The following PDE8B variants were observed in gnomAD, a reference collection of about 807,000 sequenced individuals.
The protein encoded by PDE8B is phosphodiesterase 8B.
Under a neutral mutation model 101.3 loss-of-function variants are expected in PDE8B, and 26 were observed. That is an observed-to-expected ratio of 0.26 (90% CI 0.19 to 0.36). The LOEUF (loss-of-function observed/expected upper bound fraction) is 0.36. Among genes scored for constraint, PDE8B ranks in the 10% least tolerant of loss-of-function variants. The pLI is 1.00. For synonymous variants in PDE8B, 424 were observed against 429.3 expected (o/e 0.99, Z 0.15); for missense variants, 810 against 1,163.1 (o/e 0.70, Z 4.42).
At chr5:77,316,616 A>T (rs1463776206) in intron 2 of PDE8B, among the ~76,000 whole-genome samples, 1 of 152,168 alleles carries the variant, frequency 6.6e-6, no homozygotes, top group Non-Finnish European at 1.5e-5. Context: ...CTCAAACATG[A>T]TACAGTCCTT....
chr5:77,329,322 A>T (rs1776665433), intron 4 of PDE8B, among the ~76,000 whole-genome samples: 1 of 152,220 alleles, frequency 6.6e-6, no homozygotes, highest in African/African-American at 2.4e-5. Context: ...TATGCCAAAA[A>T]TGAATGGAAA....
Position 77,230,634 on chromosome 5 carries a change from T to G in PDE8B, c.339+19370T>G, listed in dbSNP as rs1300360633. Among the ~76,000 whole-genome samples the G allele has an allele frequency of 1.1e-4, 17 of 152,180 alleles. No homozygotes were observed. In the East Asian group the frequency reaches 3.1e-3, roughly 28 times the overall value. On this transcript the variant is annotated intron_variant, in intron 1 of 21. Transcript: ENST00000264917. ...GGCGCCCACCATCAGGCCTCACTGA[T>G]TTTTGTATTTTTTGTATTTTGGCCA...
intron 6 of PDE8B, among the ~76,000 whole-genome samples, chr5:77,339,063 A>G (rs1778704508): frequency 6.6e-6 from 1 of 152,232 alleles, no homozygotes; most frequent in Non-Finnish European, 1.5e-5. Flanking sequence ...TCCCCAGCCA[A>G]CACAATAGCA....
intron 1 of PDE8B, among the ~76,000 whole-genome samples, chr5:77,254,564 G>A (rs1758720822): frequency 6.6e-6 from 1 of 152,038 alleles, no homozygotes; most frequent in African/African-American, 2.4e-5. Flanking sequence ...TCACAAAGGG[G>A]CTGATCTTTC....
chr5:77,192,217 T>C, the PDE8B span, among the ~76,000 whole-genome samples: 1 of 152,208 alleles, frequency 6.6e-6, no homozygotes, highest in Non-Finnish European at 1.5e-5. Flanking sequence ...GTGTACAGTT[T>C]GATGAGTTTT....
chr5:77,279,644 A>AT (rs1764574076), intron 1 of PDE8B, among the ~76,000 whole-genome samples: 2 of 152,296 alleles, frequency 1.3e-5, no homozygotes, highest in South Asian at 4.1e-4. Flanking sequence ...TAGTATCCAC[A>AT]TTTTACAAAT....
intron 1 of PDE8B, among the ~76,000 whole-genome samples, chr5:77,252,737 C>T (rs1758322984): frequency 1.3e-5 from 2 of 152,154 alleles, no homozygotes; most frequent in Admixed American, 1.3e-4. Flanking sequence ...TATCATTCCT[C>T]CTGGCAGAGG....
the PDE8B span, among the ~76,000 whole-genome samples, chr5:77,191,745 G>A: frequency 1.3e-5 from 2 of 152,126 alleles, no homozygotes; most frequent in East Asian, 3.9e-4. Flanking sequence ...TCGAAGGTGG[G>A]GATTGTTTCG....
intron 17 of PDE8B, among the ~76,000 whole-genome samples, chr5:77,415,816 A>G (rs970149587): frequency 1.3e-5 from 2 of 152,242 alleles, no homozygotes; most frequent in Middle Eastern, 3.2e-3. Context: ...AAGCCAGGAT[A>G]ACAAGCATTC....
intron 10 of PDE8B, among the ~76,000 whole-genome samples, chr5:77,367,811 G>A (rs1360907113): frequency 1.3e-5 from 2 of 152,198 alleles, no homozygotes; most frequent in Admixed American, 1.3e-4. Context: ...TTACAGGCGT[G>A]AGCCACCACG....
At chr5:77,340,379 G>A (rs1354554213) in intron 6 of PDE8B, among the ~76,000 whole-genome samples, 1 of 152,098 alleles carries the variant, frequency 6.6e-6, no homozygotes, top group Non-Finnish European at 1.5e-5. Context: ...TGTGTTTCAG[G>A]GGTGGAAACT....
At chr5:77,379,354 C>T (rs1561615920) in intron 10 of PDE8B, among the ~76,000 whole-genome samples, 1 of 152,250 alleles carries the variant, frequency 6.6e-6, no homozygotes, top group East Asian at 1.9e-4. Context: ...CTTGTGTAAT[C>T]CTAGAAATTC....
At chr5:77,233,272 C>A (rs1244886961) in intron 1 of PDE8B, among the ~76,000 whole-genome samples, 1 of 152,026 alleles carries the variant, frequency 6.6e-6, no homozygotes, top group African/African-American at 2.4e-5. Context: ...CAATGCAAGC[C>A]CTACCATTGA....
chr5:77,358,975 A>G (rs1050630520), intron 10 of PDE8B, among the ~76,000 whole-genome samples: 9 of 152,166 alleles, frequency 5.9e-5, no homozygotes, highest in East Asian at 1.9e-4. Context: ...ACAAGAATCT[A>G]TTTAAAGAAA....
At chr5:77,357,072 C>A (rs1032744270) in intron 10 of PDE8B, among the ~76,000 whole-genome samples, 1 of 152,166 alleles carries the variant, frequency 6.6e-6, no homozygotes, top group South Asian at 2.1e-4. Context: ...TAGAGAATGT[C>A]TTTGCGGGGA....
intron 1 of PDE8B, among the ~76,000 whole-genome samples, chr5:77,277,224 T>C (rs1450221406): frequency 1.3e-5 from 2 of 152,242 alleles, no homozygotes; most frequent in African/African-American, 4.8e-5. Flanking sequence ...ATCACCTGCA[T>C]ACATTCTTTT....
chr5:77,407,463 T>C lies in PDE8B; in HGVS notation c.1365+6T>C, dbSNP rs1357705479. The C allele has an allele frequency of 2.5e-6, 4 of 1,607,014 alleles. No homozygotes were observed. The highest frequency in any genetic ancestry group is 8.5e-7 in the Non-Finnish European group (1 of 1,174,058). On this transcript the variant is annotated splice_donor_region_variant and intron_variant, in intron 13 of 21. Transcript: ENST00000264917. ...TCGAGGCTCCCATCACAAAGGTGAGTGGCGGCTGCTGCCTGCACTCTGCAG... is the reference window on the plus strand; with the variant it reads ...TCGAGGCTCCCATCACAAAGGTGAGCGGCGGCTGCTGCCTGCACTCTGCAG...
chr5:77,165,987 AAAAAG>A, the PDE8B span, among the ~76,000 whole-genome samples: 3 of 132,690 alleles, frequency 2.3e-5, no homozygotes, highest in Non-Finnish European at 5.2e-5. Flanking sequence ...AAAAAAAAAA[AAAAAG>A]AAAAAGAAAA....
At chr5:77,269,829 A>G (rs867502742) in intron 1 of PDE8B, among the ~76,000 whole-genome samples, 1 of 152,074 alleles carries the variant, frequency 6.6e-6, no homozygotes, top group Non-Finnish European at 1.5e-5. Flanking sequence ...CCATTGCTCT[A>G]TGTGTCCGTT....
Sources: gnomAD v4.1 joint callset for allele counts (sites outside exome capture counted in the v4.1 genomes callset) on GRCh38, gnomAD v4.1.1 for gene constraint, MANE v1.5 for transcripts, NCBI Gene and HGNC (gene_info 2026-07-23, HGNC 2026-07-21) for gene names.